Variants in NOD1 observed in about 807,000 individuals in gnomAD.
NOD1 encodes the protein nucleotide binding oligomerization domain containing 1, also known as nucleotide-binding oligomerization domain-containing protein 1.
NOD1 carries 70 observed loss-of-function variants against 81.2 expected under a neutral mutation model. The observed-to-expected ratio is 0.86, with a 90% confidence interval of 0.71 to 1.05. The LOEUF (loss-of-function observed/expected upper bound fraction) is 1.05, where lower values mean the gene tolerates loss of function less well. Among genes scored for constraint, NOD1 ranks in the 50% least tolerant of loss-of-function variants. NOD1 has a pLI of 0.00. For missense variants in NOD1, 1,233 were observed against 1,228.0 expected (o/e 1.00, Z -0.06); for synonymous variants, 508 against 526.9 (o/e 0.96, Z 0.49).
At chr7:30,439,659 G>C (rs1161427740) in intron 9 of NOD1, among the ~76,000 whole-genome samples, 1 of 97,114 alleles carries the variant, frequency 1.0e-5, no homozygotes, top group East Asian at 3.2e-4. Context: ...CAAACTGCAA[G>C]GCGGCAACGA....
In NOD1 at chr7:30,439,107, G is replaced by C. The variant is rs190691602; in HGVS notation, c.2454-1451C>G. On this transcript the variant is annotated intron_variant, in intron 9 of 13. Transcript: ENST00000222823. ...TAGCAAGTGTTGGCAAGGATGTGGA[G>C]AAACTAGAATGAACTGTTGGTGGGA... is the stretch of plus-strand genomic sequence containing the variant. 6.4e-4 allele frequency among the ~76,000 whole-genome samples: 97 copies of C among 152,316 alleles called. 1 individual carries two copies. Among genetic ancestry groups the C allele is most frequent in the African/African-American group, 2.3e-3 (95 of 41,576 alleles).
At chr7:30,475,594 G>A (rs112230451) in intron 1 of NOD1, among the ~76,000 whole-genome samples, 4,125 of 152,308 alleles carry the variant, frequency 0.027, 200 homozygotes, top group African/African-American at 0.095. Context: ...GGACCAAGGT[G>A]AGATCCCTTC....
intron 11 of NOD1, 51 bp downstream of exon 11, chr7:30,435,947 G>T: frequency 6.8e-7 from 1 of 1,461,064 alleles, no homozygotes. Context: ...GACAAAGCAA[G>T]ACCCTATCAC....
intron 9 of NOD1, among the ~76,000 whole-genome samples, chr7:30,439,651 A>C (rs1183794434): frequency 7.4e-4 from 70 of 94,952 alleles, no homozygotes; most frequent in South Asian, 2.7e-3. Flanking sequence ...TCTGAGATCA[A>C]ACTGCAAGGC....
At position 30,478,151 on chromosome 7, in the gene NOD1, C is replaced by T. The variant is rs2072687; in HGVS notation, c.-352+455G>A. Among the ~76,000 whole-genome samples, 1 of 151,860 alleles carries T rather than the reference C, an allele frequency of 6.6e-6. No homozygotes were observed. The highest frequency in any genetic ancestry group is 2.1e-4 in the South Asian group (1 of 4,818). On this transcript the variant is annotated intron_variant, in intron 1 of 13. Transcript: ENST00000222823. This position sits in a 1 kb window ranked among gnomAD's most constrained non-coding sequence, Gnocchi z 4.1. ...TGGGAGCTGCTGTCCCGTCTGCAGG[C>T]GGGACTCCATGAAGGCCCCTGTCTG...
intron 10 of NOD1, among the ~76,000 whole-genome samples, chr7:30,437,226 G>A (rs1471381211): frequency 6.6e-6 from 1 of 152,098 alleles, no homozygotes; most frequent in Non-Finnish European, 1.5e-5. Flanking sequence ...GCCTGTTGGG[G>A]GTGGGGGGCA....
Position 30,433,197 on chromosome 7 carries a change from A to G in NOD1, c.2622-18T>C. On this transcript the variant is annotated intron_variant, in intron 11 of 13. Transcript: ENST00000222823. ...GGGTCAGCCTAAGGAAAAAAAAGGA[A>G]GTATTTACTCAAGAGAGCCTACTTG... 1 of 1,599,474 alleles carries G rather than the reference A, an allele frequency of 6.3e-7. No individual in the cohort carries two copies. The highest frequency in any genetic ancestry group is 8.6e-7 in the Non-Finnish European group (1 of 1,166,798).
intron 3 of NOD1, among the ~76,000 whole-genome samples, chr7:30,457,615 T>C (rs371129055): frequency 1.6e-4 from 24 of 152,158 alleles, no homozygotes; most frequent in African/African-American, 5.8e-4. Context: ...TGTGCTTTGA[T>C]CCTATACTGG....
rs989379773 is a variant in NOD1, at chr7:30,459,975, C to T, written c.-285G>A. 1.1e-4 allele frequency: 17 copies of T among 153,088 alleles called. No homozygotes were observed. The highest frequency in any genetic ancestry group is 7.2e-4 in the Admixed American group (11 of 15,268). 9.5% of individuals were successfully genotyped at this position (153,088 alleles called of 1,614,324 possible). A position where few individuals can be genotyped will look rare whatever the true frequency, so the allele number is the denominator to read the frequency against. On this transcript the variant is annotated 5_prime_UTR_variant, in exon 2 of 14. Transcript: ENST00000222823. Reference sequence around the variant, plus strand: ...CTTCCCAGATGTTTTCTGTAATCGCCGCCACAATCTCCACCTCTTGCCATC... The same window carrying T: ...CTTCCCAGATGTTTTCTGTAATCGCTGCCACAATCTCCACCTCTTGCCATC...
chr7:30,448,120 AAGACTT>A, intron 7 of NOD1, 172 bp downstream of exon 7: 1 of 606,258 alleles, frequency 1.6e-6, no homozygotes, highest in South Asian at 2.0e-5. Context: ...GAGGCTCAGC[AAGACTT>A]CATGACTGGC....
At chr7:30,463,674 A>C (rs901872112) in intron 1 of NOD1, 6 of 152,064 alleles carry the variant, frequency 3.9e-5, no homozygotes, top group African/African-American at 1.5e-4. Context: ...TTGAGCGGAG[A>C]TGTGCATTTC....
intron 6 of NOD1, 62 bp from the exon 7 acceptor site, chr7:30,448,443 A>G (rs1265109988): frequency 1.5e-6 from 2 of 1,368,962 alleles, no homozygotes; most frequent in Non-Finnish European, 2.1e-6. Context: ...AGGACCATTA[A>G]TCTTACAAAG....
intron 9 of NOD1, among the ~76,000 whole-genome samples, chr7:30,438,414 T>C (rs1440591880): frequency 6.6e-6 from 1 of 152,244 alleles, no homozygotes; most frequent in Non-Finnish European, 1.5e-5. Context: ...AATTAGAGCA[T>C]TCCGTCATGG....
intron 5 of NOD1, among the ~76,000 whole-genome samples, chr7:30,454,467 C>G (rs1396166605): frequency 6.6e-6 from 1 of 152,234 alleles, no homozygotes; most frequent in African/African-American, 2.4e-5. Flanking sequence ...GTCTCCCTGA[C>G]ATCCAGCACA....
intron 6 of NOD1, among the ~76,000 whole-genome samples, chr7:30,450,125 C>T (rs1434620973): frequency 5.3e-5 from 8 of 151,956 alleles, no homozygotes; most frequent in Non-Finnish European, 1.2e-4. Context: ...ACCCAGGAGG[C>T]GGAGGTTGCA....
chr7:30,474,654 G>T (rs1391164784), intron 1 of NOD1, among the ~76,000 whole-genome samples: 1 of 152,238 alleles, frequency 6.6e-6, no homozygotes, highest in African/African-American at 2.4e-5. Flanking sequence ...AGTTCAGGCG[G>T]TAATGCTTGC....
At chr7:30,446,474 C>A in intron 8 of NOD1, 1 of 521,184 alleles carries the variant, frequency 1.9e-6, no homozygotes, top group Non-Finnish European at 3.5e-6. Flanking sequence ...TGAGCCCTCC[C>A]TGGGGTCCTC....
intron 6 of NOD1, among the ~76,000 whole-genome samples, chr7:30,450,883 A>G (rs1473741674): frequency 3.3e-5 from 5 of 152,194 alleles, no homozygotes; most frequent in Non-Finnish European, 2.9e-5. Context: ...CCATTAGGTA[A>G]TATTTGTAAT....
chr7:30,433,289 T>A, intron 11 of NOD1, 110 bp from the exon 12 acceptor site: 1 of 789,362 alleles, frequency 1.3e-6, no homozygotes, highest in Non-Finnish European at 2.1e-6. Context: ...ATGCAGATGA[T>A]CACTTGCTGA....
Sources: allele counts gnomAD v4.1 joint callset (sites outside exome capture counted in the v4.1 genomes callset), GRCh38; gene constraint gnomAD v4.1.1; non-coding constraint Gnocchi (gnomAD v3.1); transcripts MANE v1.5; gene names NCBI Gene and HGNC (gene_info 2026-07-23, HGNC 2026-07-21).